STX7: variants seen among roughly 807,000 people sequenced by gnomAD.
STX7 encodes the protein syntaxin-7.
Under a neutral mutation model 39.6 loss-of-function variants are expected in STX7, and 34 were observed. The ratio of observed to expected loss-of-function variants is 0.86; its 90% CI spans 0.65 to 1.14. The LOEUF (loss-of-function observed/expected upper bound fraction) is 1.14. Ranked by LOEUF, STX7 falls within the 50% of genes most tolerant of loss-of-function variation. The pLI, the probability that STX7 is intolerant of heterozygous loss-of-function variation, is 0.00. For missense variants in STX7, 284 were observed against 310.4 expected (o/e 0.92, Z 0.64); for synonymous variants, 119 against 99.1 (o/e 1.20, Z -1.19).
intron 1 of STX7, among the ~76,000 whole-genome samples, chr6:132,511,049 C>A (rs1316721352): frequency 6.6e-6 from 1 of 152,116 alleles, no homozygotes; most frequent in Non-Finnish European, 1.5e-5. Context: ...TACCCTCTAC[C>A]CCAAGTAAGT....
intron 7 of STX7, 126 bp downstream of exon 7, chr6:132,469,825 G>A (rs1382263762): frequency 1.5e-6 from 1 of 664,702 alleles, no homozygotes; most frequent in African/African-American, 2.0e-5. Flanking sequence ...GGTGACAGAG[G>A]GAGACTGTCT....
intron 3 of STX7, among the ~76,000 whole-genome samples, chr6:132,472,870 G>GTA: frequency 6.6e-6 from 1 of 152,216 alleles, no homozygotes; most frequent in Non-Finnish European, 1.5e-5. Context: ...AAAGGCGGGG[G>GTA]GGAGGGGCCA....
In STX7 at chr6:132,454,819, A is replaced by G. The variant is rs1164082768; in HGVS notation, c.*5939T>C. 6.6e-6 allele frequency: 1 copy of G among 152,214 alleles called. No individual in the cohort carries two copies. The highest frequency in any genetic ancestry group is 2.4e-5 in the African/African-American group (1 of 41,478). 9.4% of individuals were successfully genotyped at this position (152,214 alleles called of 1,614,324 possible). A position where few individuals can be genotyped will look rare whatever the true frequency, so the allele number is the denominator to read the frequency against. On this transcript the variant is annotated 3_prime_UTR_variant, in exon 10 of 10. Coordinates refer to ENST00000367941, the MANE Select transcript of STX7 (RefSeq NM_003569.3). ...AAGAAATGTTTATTGCCTCCAAGAT[A>G]GAACTAACGTGAATGATATATAACT...
intron 2 of STX7, among the ~76,000 whole-genome samples, chr6:132,482,740 C>A (rs1372468450): frequency 6.6e-6 from 1 of 152,150 alleles, no homozygotes; most frequent in East Asian, 1.9e-4. Context: ...AAGTTTAGGT[C>A]TGGCAGTGGA....
intron 2 of STX7, among the ~76,000 whole-genome samples, chr6:132,502,134 C>G (rs1233416841): frequency 2.6e-5 from 4 of 152,206 alleles, no homozygotes. Context: ...CTGTGCACAG[C>G]AGCACCTTTT....
rs575207176 is a variant in STX7 at position 132,456,924 on chromosome 6, A to G, written c.*3834T>C. ...CATCTTTCCTCAGAGGCCACTGCAGACAGAAGTGTAGGCGGGCAGAGGACA... is the reference window on the plus strand; with the variant it reads ...CATCTTTCCTCAGAGGCCACTGCAGGCAGAAGTGTAGGCGGGCAGAGGACA... On this transcript the variant is annotated 3_prime_UTR_variant, in exon 10 of 10. Transcript: ENST00000367941. 5 of 152,422 alleles carry G rather than the reference A, an allele frequency of 3.3e-5. No individual in the cohort carries two copies. The South Asian group carries it at 1.0e-3, about 32-fold the overall frequency. The allele number at this position is 152,422 out of a possible 1,614,324, so 9.4% of individuals were successfully genotyped here.
At chr6:132,512,312 C>G (rs1775866741) in intron 1 of STX7, among the ~76,000 whole-genome samples, 2 of 152,080 alleles carry the variant, frequency 1.3e-5, no homozygotes, top group South Asian at 4.1e-4. Context: ...AAACACACAG[C>G]ATTTGATCAG....
intron 4 of STX7, 81 bp from the exon 5 acceptor site, chr6:132,471,681 A>T (rs1024211521): frequency 2.0e-6 from 3 of 1,531,656 alleles, no homozygotes; most frequent in African/African-American, 1.4e-5. Flanking sequence ...TCTTTATTTA[A>T]CCCTGAAGTT....
Position 132,457,460 on chromosome 6 carries a change from T to C in STX7, c.*3298A>G, listed in dbSNP as rs966812762. On this transcript the variant is annotated 3_prime_UTR_variant, in exon 10 of 10. Transcript: ENST00000367941. Reference sequence around the variant, plus strand: ...ATACTCAGAAAAAAATGGTTTTATCTTAATTGATTTATAAATTATGTTAGG... The same window carrying C: ...ATACTCAGAAAAAAATGGTTTTATCCTAATTGATTTATAAATTATGTTAGG... 6.6e-6 allele frequency: 1 copy of C among 152,250 alleles called. No homozygotes were observed. The highest frequency in any genetic ancestry group is 6.5e-5 in the Admixed American group (1 of 15,288). 9.4% of individuals were successfully genotyped at this position (152,250 alleles called of 1,614,324 possible).
chr6:132,497,883 C>T (rs1356297872), intron 2 of STX7, among the ~76,000 whole-genome samples: 5 of 152,164 alleles, frequency 3.3e-5, no homozygotes, highest in African/African-American at 1.2e-4. Context: ...TTGAACATCT[C>T]AATCCAAAGT....
chr6:132,510,138 G>A (rs1775810724), intron 1 of STX7, among the ~76,000 whole-genome samples: 1 of 152,220 alleles, frequency 6.6e-6, no homozygotes, highest in Non-Finnish European at 1.5e-5. Flanking sequence ...CAGCTAGGTA[G>A]GAGGAATGAA....
Position 132,460,624 on chromosome 6 carries a change from C to G in STX7, c.*134G>C. On this transcript the variant is annotated 3_prime_UTR_variant, in exon 10 of 10. Transcript: ENST00000367941. The stretch of plus-strand genomic sequence containing the variant: ...AATCCAAAGGAACCACCCCAACCCC[C>G]CCAATAAAAATAACAAAGTATGGGA... 1.6e-6 allele frequency: 1 copy of G among 614,312 alleles called. No individual in the cohort carries two copies. The highest frequency in any genetic ancestry group is 3.0e-5 in the South Asian group (1 of 33,084). 38.1% of individuals were successfully genotyped at this position (614,312 alleles called of 1,614,324 possible). A position where few individuals can be genotyped will look rare whatever the true frequency, so the allele number is the denominator to read the frequency against.
intron 2 of STX7, among the ~76,000 whole-genome samples, chr6:132,482,253 T>A (rs897057141): frequency 6.6e-6 from 1 of 152,222 alleles, no homozygotes; most frequent in African/African-American, 2.4e-5. Flanking sequence ...ATCTGCTACG[T>A]ACCAGGCACA....
chr6:132,446,012 A>T lies in STX7; in HGVS notation c.*14746T>A, dbSNP rs1490823733. ...TTCTCAATTCAGCCCTGGATACAAAAACTCTAAACACAGAGGGTTAAGGTA... is the reference window on the plus strand; with the variant it reads ...TTCTCAATTCAGCCCTGGATACAAATACTCTAAACACAGAGGGTTAAGGTA... On this transcript the variant is annotated 3_prime_UTR_variant, in exon 10 of 10. Transcript: ENST00000367941. 1 of 152,196 alleles carries T rather than the reference A, an allele frequency of 6.6e-6. No individual in the cohort carries two copies. The highest frequency in any genetic ancestry group is 2.4e-5 in the African/African-American group (1 of 41,460). The allele number at this position is 152,196 out of a possible 1,614,324, so 9.4% of individuals were successfully genotyped here. A position where few individuals can be genotyped will look rare whatever the true frequency, so the allele number is the denominator to read the frequency against.
intron 1 of STX7, among the ~76,000 whole-genome samples, chr6:132,504,948 G>C (rs140075377): frequency 6.6e-6 from 1 of 152,204 alleles, no homozygotes; most frequent in Non-Finnish European, 1.5e-5. Context: ...ATGCAGTATG[G>C]TATTTACAAA....
chr6:132,480,220 C>T (rs1774982712), intron 2 of STX7, among the ~76,000 whole-genome samples: 1 of 152,154 alleles, frequency 6.6e-6, no homozygotes, highest in Non-Finnish European at 1.5e-5. Flanking sequence ...ATTCACTGCT[C>T]TGCCATGTAT....
chr6:132,503,668 C>T, intron 1 of STX7, 80 bp from the exon 2 acceptor site: 1 of 574,200 alleles, frequency 1.7e-6, no homozygotes, highest in Non-Finnish European at 3.0e-6. Flanking sequence ...TGTGAAGTTA[C>T]AAGGACAAAC....
chr6:132,498,699 A>G (rs1236402205), intron 2 of STX7, among the ~76,000 whole-genome samples: 1 of 152,114 alleles, frequency 6.6e-6, no homozygotes, highest in East Asian at 1.9e-4. Flanking sequence ...ATTCAATCGC[A>G]CCCAGTATTA....
chr6:132,476,575 C>T (rs565898357), intron 2 of STX7, among the ~76,000 whole-genome samples: 10 of 152,186 alleles, frequency 6.6e-5, no homozygotes, highest in African/African-American at 2.4e-4. Context: ...TAAAGAAAAT[C>T]ATAGGGACAA....
Sources: gnomAD v4.1 joint callset for allele counts (sites outside exome capture counted in the v4.1 genomes callset) on GRCh38, gnomAD v4.1.1 for gene constraint, MANE v1.5 for transcripts, NCBI Gene and HGNC (gene_info 2026-07-23, HGNC 2026-07-21) for gene names.